COL6A1: variants seen among roughly 807,000 people sequenced by gnomAD.
COL6A1 encodes the protein collagen alpha-1(VI) chain.
Under a neutral mutation model 145.6 loss-of-function variants are expected in COL6A1, and 80 were observed. The observed-to-expected ratio is 0.55, with a 90% CI of 0.46 to 0.66. The LOEUF is 0.66. Among genes scored for constraint, COL6A1 ranks in the 30% least tolerant of loss-of-function variants. The pLI, the probability that COL6A1 is intolerant of heterozygous loss-of-function variation, is 0.00. For synonymous variants in COL6A1, 638 were observed against 622.8 expected (o/e 1.02, Z -0.36); for missense variants, 1,364 against 1,473.8 (o/e 0.93, Z 1.22).
intron 8 of COL6A1, 44 bp downstream of exon 8, chr21:45,987,698 G>A (rs760883388): frequency 6.3e-7 from 1 of 1,581,094 alleles, no homozygotes; most frequent in Non-Finnish European, 8.6e-7. Context: ...TGGGGCCTGG[G>A]AGTGGGGGTG....
At chr21:45,990,007 CCGGGCGG>C (rs2077764883) in intron 11 of COL6A1, among the ~76,000 whole-genome samples, 7 of 10,200 alleles carry the variant, frequency 6.9e-4, no homozygotes, top group East Asian at 6.2e-3. Context: ...CAGGGGTCCC[CCGGGCGG>C]TTACCCTCTG....
rs372260000 is a variant in COL6A1 at position 46,002,443 on chromosome 21, C to T, written c.2250+42C>T. 1,036 of 1,612,554 alleles carry T rather than the reference C, an allele frequency of 6.4e-4. 3 individuals carry two copies. The highest frequency in any genetic ancestry group is 9.8e-4 in the Admixed American group (59 of 59,928). On this transcript the variant is annotated intron_variant, in intron 32 of 34. Coordinates refer to ENST00000361866, the MANE Select transcript of COL6A1 (RefSeq NM_001848.3). ...CAGGCTGCACCTGCCCCGCCTAGGG[C>T]GCCCCGCCAGCCAGGGTGGCCTTGT...
chr21:45,983,211 C>T (rs2077718277), intron 2 of COL6A1, among the ~76,000 whole-genome samples: 1 of 152,184 alleles, frequency 6.6e-6, no homozygotes, highest in African/African-American at 2.4e-5. Context: ...TCCTGGATCC[C>T]ACGTTCTGAA....
Position 46,001,145 on chromosome 21 carries a change from G to C in COL6A1, c.1823-108G>C, listed in dbSNP as rs553513598. On this transcript the variant is annotated intron_variant, in intron 29 of 34. Coordinates refer to ENST00000361866, the MANE Select transcript of COL6A1 (RefSeq NM_001848.3). ...GGGGCTGAGACGGGGGGACCCCAACGTGTCAGGTGAGGATGTGGCAGCCAA... is the reference window on the plus strand; with the variant it reads ...GGGGCTGAGACGGGGGGACCCCAACCTGTCAGGTGAGGATGTGGCAGCCAA... 5 of 1,460,408 alleles carry C rather than the reference G, an allele frequency of 3.4e-6. No homozygotes were observed. In the African/African-American group the frequency reaches 5.5e-5, roughly 16 times the overall value. 90.5% of individuals were successfully genotyped at this position (1,460,408 alleles called of 1,614,324 possible). A position where few individuals can be genotyped will look rare whatever the true frequency, so the allele number is the denominator to read the frequency against.
At chr21:46,000,222 C>T in intron 27 of COL6A1, 109 bp from the exon 28 acceptor site, 3 of 1,294,510 alleles carry the variant, frequency 2.3e-6, no homozygotes, top group East Asian at 4.6e-5. Context: ...CCTGCCCAAA[C>T]CCCGCCCTGT....
Position 45,990,785 on chromosome 21 carries a change from T to C in COL6A1, c.1015T>C (p.Tyr339His), listed in dbSNP as rs186775751. 101 of 1,613,384 alleles carry C rather than the reference T, an allele frequency of 6.3e-5. 2 individuals carry two copies. In the Admixed American group the frequency reaches 1.7e-3, roughly 27 times the overall value. Residue 339 changes from tyrosine (Y) to histidine (H), a missense_variant, in exon 14 of 35, where the codon TAC becomes CAC. Tyr to His is a moderately conservative substitution (Grantham distance 83). Coordinates refer to ENST00000361866, the MANE Select transcript of COL6A1 (RefSeq NM_001848.3). ...GVDGVKGEMG[Y>H]PGLPGCKGSP... Reference sequence around the variant, plus strand: ...TTCCTCTTTCCAGGGGGAGATGGGGTACCCAGGCCTGCCAGGCTGCAAGGG... The same window carrying C: ...TTCCTCTTTCCAGGGGGAGATGGGGCACCCAGGCCTGCCAGGCTGCAAGGG...
chr21:46,000,841 T>G, intron 29 of COL6A1, 74 bp downstream of exon 29: 2 of 1,566,674 alleles, frequency 1.3e-6, no homozygotes, highest in South Asian at 2.2e-5. Flanking sequence ...CCCACACATG[T>G]CACAGGACAG....
chr21:45,998,914 C>T lies in COL6A1; in HGVS notation c.1629C>T (p.Pro543=), dbSNP rs1349365346. 7.7e-6 allele frequency: 12 copies of T among 1,555,860 alleles called. No individual in the cohort carries two copies. The highest frequency in any genetic ancestry group is 3.9e-5 in the Admixed American group (2 of 51,312). ...CACTGCAGGGCACGAAGGGCTACCC[C>T]GGCCTCAAGGGGGACGAGGGAGAAG... is the stretch of plus-strand genomic sequence containing the variant. ...APGINGTKGY[P]GLKGDEGEAG... is the part of the protein sequence containing the mutation. The change falls in exon 25 of 35, where the codon CCC becomes CCT. Residue 543 remains proline, a synonymous_variant. Coordinates refer to ENST00000361866, the MANE Select transcript of COL6A1 (RefSeq NM_001848.3).
rs2077843085 is a variant in COL6A1, at chr21:46,001,242, C to T, written c.1823-11C>T. On this transcript the variant is annotated splice_polypyrimidine_tract_variant and intron_variant, in intron 29 of 34. Coordinates refer to ENST00000361866, the MANE Select transcript of COL6A1 (RefSeq NM_001848.3). Reference sequence around the variant, plus strand: ...AGGGGCGTGCTCTGCTGACACCGCCCCCGCCTGCAGAATGCAAGTGCGGCC... The same window carrying T: ...AGGGGCGTGCTCTGCTGACACCGCCTCCGCCTGCAGAATGCAAGTGCGGCC... The T allele has an allele frequency of 6.2e-7, 1 of 1,602,494 alleles. No individual in the cohort carries two copies. Among genetic ancestry groups the T allele is most frequent in the Non-Finnish European group, 8.5e-7 (1 of 1,178,328 alleles).
intron 3 of COL6A1, 136 bp downstream of exon 3, chr21:45,984,605 C>A (rs759590128): frequency 2.4e-5 from 19 of 789,102 alleles, no homozygotes; most frequent in Non-Finnish European, 3.8e-5. Context: ...GCCTCCCTGA[C>A]CCACTTTGTG....
At chr21:45,991,942 G>A in intron 15 of COL6A1, 68 bp from the exon 16 acceptor site, 1 of 1,478,390 alleles carries the variant, frequency 6.8e-7, no homozygotes, top group Non-Finnish European at 9.2e-7. Context: ...CCCTGGATGT[G>A]GCCTCTGATG....
At chr21:45,998,335 G>A (rs933898700) in intron 23 of COL6A1, 63 bp from the exon 24 acceptor site, 45 of 1,605,456 alleles carry the variant, frequency 2.8e-5, no homozygotes, top group East Asian at 2.7e-4. Context: ...TCCGCTGTGC[G>A]CCCCTCACAG....
chr21:45,998,067 T>C, intron 22 of COL6A1, 54 bp from the exon 23 acceptor site: 1 of 1,599,972 alleles, frequency 6.3e-7, no homozygotes, highest in Non-Finnish European at 8.5e-7. Flanking sequence ...TGCCAGCCAG[T>C]GGGTATCCCA....
intron 30 of COL6A1, 118 bp downstream of exon 30, chr21:46,001,504 C>A: frequency 7.3e-7 from 1 of 1,362,536 alleles, no homozygotes; most frequent in South Asian, 1.2e-5. Flanking sequence ...TGTGACTTCC[C>A]TACTCATGAC....
chr21:45,998,341 C>T, intron 23 of COL6A1, 57 bp from the exon 24 acceptor site: 1 of 1,610,578 alleles, frequency 6.2e-7, no homozygotes, highest in Non-Finnish European at 8.5e-7. Flanking sequence ...GTGCGCCCCT[C>T]ACAGCCTCCC....
At chr21:45,997,296 ATGGGAC>A in intron 20 of COL6A1, 119 bp from the exon 21 acceptor site, 1 of 893,844 alleles carries the variant, frequency 1.1e-6, no homozygotes, top group Non-Finnish European at 1.9e-6. Flanking sequence ...CCCTGCACTG[ATGGGAC>A]TGGGGCCAGA....
chr21:45,999,258 C>T (rs201840412), intron 26 of COL6A1, 40 bp downstream of exon 26: 1 of 1,533,486 alleles, frequency 6.5e-7, no homozygotes, highest in South Asian at 1.2e-5. Flanking sequence ...GTGGGCTGTG[C>T]CTGGGACGCC....
intron 29 of COL6A1, 200 bp from the exon 30 acceptor site, chr21:46,001,053 C>T (rs2077841658): frequency 6.3e-6 from 5 of 792,810 alleles, no homozygotes; most frequent in Middle Eastern, 3.7e-4. Context: ...GGCTGAGCAA[C>T]GCCAGCCCTG....
intron 19 of COL6A1, 59 bp downstream of exon 19, chr21:45,992,869 G>C: frequency 6.8e-7 from 1 of 1,468,342 alleles, no homozygotes; most frequent in Admixed American, 2.0e-5. Flanking sequence ...GGAGGCTGGG[G>C]CTGGGTCAGG....
Sources: gnomAD v4.1 joint callset for allele counts (sites outside exome capture counted in the v4.1 genomes callset) on GRCh38, gnomAD v4.1.1 for gene constraint, MANE v1.5 for transcripts, NCBI Gene and HGNC (gene_info 2026-07-23, HGNC 2026-07-21) for gene names.